Variants in RELN observed in about 807,000 individuals in gnomAD.
RELN encodes reelin.
RELN carries 108 observed loss-of-function variants against 427.6 expected under a neutral mutation model. That is an observed-to-expected ratio of 0.25 (90% confidence interval 0.22 to 0.30). The LOEUF (loss-of-function observed/expected upper bound fraction) is 0.30, where lower values mean the gene tolerates loss of function less well. RELN is among the 10% of genes least tolerant of loss of function. The probability of loss-of-function intolerance (pLI) is 1.00; values close to 1 mark genes in which losing one functional copy is unlikely to be tolerated. For missense variants in RELN, 3,715 were observed against 4,302.8 expected (o/e 0.86, Z 3.82); for synonymous variants, 1,524 against 1,513.4 (o/e 1.01, Z -0.16).
At chr7:103,904,887 G>C (rs1371338258) in intron 2 of RELN, among the ~76,000 whole-genome samples, 2 of 149,914 alleles carry the variant, frequency 1.3e-5, no homozygotes, top group Admixed American at 1.3e-4. Context: ...ACTGGAAAGA[G>C]ATGAAATAAG....
At chr7:103,835,014 C>G (rs958561773) in intron 2 of RELN, among the ~76,000 whole-genome samples, 7 of 152,052 alleles carry the variant, frequency 4.6e-5, no homozygotes, top group African/African-American at 1.7e-4. Flanking sequence ...TTTTCAGCAG[C>G]TTTATTCATA....
intron 16 of RELN, among the ~76,000 whole-genome samples, chr7:103,641,409 T>C (rs1832691074): frequency 6.6e-6 from 1 of 152,212 alleles, no homozygotes; most frequent in African/African-American, 2.4e-5. Context: ...AAGCACTTAA[T>C]ACCTGCCAAT....
chr7:103,735,356 G>T (rs1301740939), intron 6 of RELN, among the ~76,000 whole-genome samples: 3 of 152,004 alleles, frequency 2.0e-5, no homozygotes, highest in Admixed American at 2.0e-4. Flanking sequence ...ATATAACTGG[G>T]TTTTTTAATC....
intron 11 of RELN, among the ~76,000 whole-genome samples, chr7:103,671,510 A>G (rs1833392372): frequency 6.6e-6 from 1 of 152,124 alleles, no homozygotes; most frequent in South Asian, 2.1e-4. Flanking sequence ...ATTGCCTGGG[A>G]CATTACAGAA....
chr7:103,572,743 T>G (rs6960434), intron 30 of RELN, among the ~76,000 whole-genome samples: 2 of 151,312 alleles, frequency 1.3e-5, no homozygotes, highest in Non-Finnish European at 2.9e-5. Context: ...GCTAACACGG[T>G]GAAACCCCGT....
intron 1 of RELN, among the ~76,000 whole-genome samples, chr7:103,933,392 G>A (rs907211545): frequency 2.0e-5 from 3 of 150,230 alleles, no homozygotes; most frequent in South Asian, 2.1e-4. Context: ...GTAGGTGTTC[G>A]TTTTGAAAAT....
At chr7:103,491,871 C>G in intron 58 of RELN, 82 bp downstream of exon 58, 1 of 612,328 alleles carries the variant, frequency 1.6e-6, no homozygotes, top group Non-Finnish European at 2.8e-6. Context: ...CACACACACA[C>G]ACACACACAC....
At chr7:103,899,334 G>T (rs58098888) in intron 2 of RELN, among the ~76,000 whole-genome samples, 1 of 151,660 alleles carries the variant, frequency 6.6e-6, no homozygotes. Flanking sequence ...CAGGACCAGA[G>T]AGATTCACAG....
chr7:103,518,528 G>A (rs928292346), intron 49 of RELN, among the ~76,000 whole-genome samples: 1 of 88,420 alleles, frequency 1.1e-5, no homozygotes, highest in African/African-American at 1.4e-4. Context: ...TTGGTAAAAT[G>A]TCTTGCTTTG....
At chr7:103,765,673 T>C (rs553205188) in intron 4 of RELN, among the ~76,000 whole-genome samples, 2 of 152,320 alleles carry the variant, frequency 1.3e-5, no homozygotes, top group East Asian at 3.9e-4. Context: ...AGTGATTGTA[T>C]AGATCCAAAC....
chr7:103,473,772 A>G (rs1157408879), intron 64 of RELN, among the ~76,000 whole-genome samples: 1 of 152,250 alleles, frequency 6.6e-6, no homozygotes, highest in Admixed American at 6.5e-5. Context: ...GAGCTATAAC[A>G]TCACTGAAAG....
chr7:103,745,536 TCTC>T (rs528837097), intron 6 of RELN, among the ~76,000 whole-genome samples: 2,614 of 150,254 alleles, frequency 0.017, 76 homozygotes, highest in African/African-American at 0.062. Flanking sequence ...CAGCCCAAAA[TCTC>T]CTCAAGCTGA....
chr7:103,649,446 G>A (rs565403346), intron 16 of RELN, among the ~76,000 whole-genome samples: 3 of 152,092 alleles, frequency 2.0e-5, no homozygotes, highest in East Asian at 3.9e-4. Context: ...GAGGATGGAA[G>A]GGGGGTGAGG....
At chr7:103,918,475 C>T (rs1795537858) in intron 1 of RELN, among the ~76,000 whole-genome samples, 1 of 152,258 alleles carries the variant, frequency 6.6e-6, no homozygotes, top group African/African-American at 2.4e-5. Context: ...TGTTTTGATG[C>T]TGTCTACATG....
chr7:103,576,988 A>C (rs1216679009), intron 28 of RELN, among the ~76,000 whole-genome samples: 2 of 152,178 alleles, frequency 1.3e-5, no homozygotes, highest in Non-Finnish European at 2.9e-5. Flanking sequence ...ACACACTCCT[A>C]TAATTTCATA....
At chr7:103,855,514 A>C (rs949277471) in intron 2 of RELN, among the ~76,000 whole-genome samples, 1 of 152,246 alleles carries the variant, frequency 6.6e-6, no homozygotes, top group African/African-American at 2.4e-5. Context: ...GCAAGGCATG[A>C]GAAGGGCAAG....
chr7:103,720,049 T>C (rs1331125590), intron 8 of RELN, among the ~76,000 whole-genome samples: 1 of 151,970 alleles, frequency 6.6e-6, no homozygotes, highest in East Asian at 1.9e-4. Flanking sequence ...TGTGTGTATA[T>C]GTATATATAC....
chr7:103,508,862 CAGAG>C (rs901848444), intron 51 of RELN, among the ~76,000 whole-genome samples: 27 of 152,036 alleles, frequency 1.8e-4, no homozygotes, highest in African/African-American at 4.1e-4. Flanking sequence ...ACACCAATAA[CAGAG>C]AGTCAAATCA....
chr7:103,833,423 A>G lies in RELN; in HGVS notation c.473+114T>C. On this transcript the variant is annotated intron_variant, in intron 3 of 64. Coordinates refer to ENST00000428762, the MANE Select transcript of RELN (RefSeq NM_005045.4). ...TTTGGCAACAAAATTAGTGATTTTA[A>G]TTAGGGTTAAACCTGTCAAAATAAA... is the stretch of plus-strand genomic sequence containing the variant. 6 of 1,049,518 alleles carry G rather than the reference A, an allele frequency of 5.7e-6. No individual in the cohort carries two copies. In the South Asian group the frequency reaches 6.8e-5, roughly 12 times the overall value. The allele number at this position is 1,049,518 out of a possible 1,614,324, so 65.0% of individuals were successfully genotyped here.
Sources: allele counts gnomAD v4.1 joint callset (sites outside exome capture counted in the v4.1 genomes callset), GRCh38; gene constraint gnomAD v4.1.1; transcripts MANE v1.5; gene names NCBI Gene and HGNC (gene_info 2026-07-23, HGNC 2026-07-21).